CLPB: variants seen among roughly 807,000 people sequenced by gnomAD.
The protein encoded by CLPB is mitochondrial disaggregase.
In CLPB, 40 loss-of-function variants were observed where a neutral mutation model predicts 78.4. That is an observed-to-expected ratio of 0.51 (90% CI 0.40 to 0.66). The LOEUF is 0.66. Ranked by LOEUF, CLPB falls within the 30% of genes least tolerant of loss-of-function variation. CLPB has a pLI of 0.00. For missense variants in CLPB, 780 were observed against 886.9 expected, an observed-to-expected ratio of 0.88 and a Z score of 1.53; for synonymous variants, 333 against 348.0, an observed-to-expected ratio of 0.96 and a Z score of 0.48.
rs1949386564 is a variant in CLPB at position 72,286,223 on chromosome 11, G to GTTTTTGTTTTTTTTT, written c.*7143_*7144insAAAAAAAAACAAAAA. ...ATTACAGGTGTGAGATACTGCACCTGTTTTTTTTTTTTTTTTTTTTTTTAA... is the reference window on the plus strand; with the variant it reads ...ATTACAGGTGTGAGATACTGCACCTGTTTTTGTTTTTTTTTTTTTTTTTTTTTTTTTTTTTTTTAA... On this transcript the variant is annotated 3_prime_UTR_variant, in exon 16 of 16. Coordinates refer to ENST00000538039, the MANE Select transcript of CLPB (RefSeq NM_001258392.3). The GTTTTTGTTTTTTTTT allele has an allele frequency of 5.0e-5, 3 of 60,450 alleles. No homozygotes were observed. Among genetic ancestry groups the GTTTTTGTTTTTTTTT allele is most frequent in the Admixed American group, 1.9e-4 (1 of 5,242 alleles). The allele number at this position is 60,450 out of a possible 1,614,324, so 3.7% of individuals were successfully genotyped here.
intron 4 of CLPB, among the ~76,000 whole-genome samples, chr11:72,378,987 A>C (rs1247374145): frequency 1.3e-5 from 2 of 152,222 alleles, no homozygotes; most frequent in African/African-American, 4.8e-5. Context: ...TGGAGCCTTA[A>C]GAGAAGGAGC....
intron 3 of CLPB, among the ~76,000 whole-genome samples, chr11:72,400,245 T>C (rs1855522574): frequency 1.3e-5 from 2 of 152,178 alleles, no homozygotes; most frequent in Non-Finnish European, 2.9e-5. Flanking sequence ...TTCTGCGATA[T>C]GAATACATAA....
intron 2 of CLPB, among the ~76,000 whole-genome samples, chr11:72,403,553 A>G (rs528597763): frequency 4.0e-4 from 61 of 152,274 alleles, no homozygotes; most frequent in Non-Finnish European, 7.5e-4. Flanking sequence ...TAATTTCCCA[A>G]TGCTAGGAAC....
chr11:72,375,955 C>T (rs1233783492), intron 4 of CLPB, among the ~76,000 whole-genome samples: 1 of 152,154 alleles, frequency 6.6e-6, no homozygotes, highest in Non-Finnish European at 1.5e-5. Context: ...TTGCCAAAGC[C>T]ACAAACTACA....
intron 5 of CLPB, among the ~76,000 whole-genome samples, chr11:72,334,251 T>C (rs1275768661): frequency 2.0e-5 from 3 of 152,158 alleles, no homozygotes; most frequent in South Asian, 2.1e-4. Context: ...TGGGGACAGG[T>C]AGGACATCTC....
chr11:72,424,339 G>A (rs2135148926), intron 2 of CLPB, among the ~76,000 whole-genome samples: 1 of 152,312 alleles, frequency 6.6e-6, no homozygotes, highest in Admixed American at 6.5e-5. Context: ...TTTCTACCCT[G>A]TAGTTTCCTA....
intron 3 of CLPB, among the ~76,000 whole-genome samples, chr11:72,401,684 C>T (rs117110105): frequency 1.3e-5 from 2 of 152,308 alleles, no homozygotes; most frequent in Non-Finnish European, 2.9e-5. Context: ...GTGGCCAGTA[C>T]ACCTTAAACA....
intron 3 of CLPB, among the ~76,000 whole-genome samples, chr11:72,380,693 T>C (rs1368952401): frequency 6.6e-6 from 1 of 152,162 alleles, no homozygotes; most frequent in Admixed American, 6.5e-5. Flanking sequence ...GGCAGCAGCC[T>C]CTGAAACTTA....
intron 2 of CLPB, among the ~76,000 whole-genome samples, chr11:72,420,942 C>G (rs921652911): frequency 4.6e-5 from 7 of 152,062 alleles, no homozygotes; most frequent in African/African-American, 1.7e-4. Flanking sequence ...GGCGGATCAC[C>G]AGAGGTCGGG....
In CLPB at chr11:72,345,428, T is replaced by C. The variant is rs1404291970; in HGVS notation, c.775+13452A>G. Among the ~76,000 whole-genome samples the C allele has an allele frequency of 2.0e-5, 3 of 152,326 alleles. No individual in the cohort carries two copies. In the East Asian group the frequency reaches 5.8e-4, roughly 29 times the overall value. On this transcript the variant is annotated intron_variant, in intron 5 of 15. Coordinates refer to ENST00000538039, the MANE Select transcript of CLPB (RefSeq NM_001258392.3). ...GCAAACTGCAAAGCGACATATACAGTATGCTACCTTTTGTGTAGGCAGAAA... is the reference window on the plus strand; with the variant it reads ...GCAAACTGCAAAGCGACATATACAGCATGCTACCTTTTGTGTAGGCAGAAA...
intron 6 of CLPB, among the ~76,000 whole-genome samples, chr11:72,319,088 C>G (rs1384692998): frequency 1.3e-5 from 2 of 152,180 alleles, no homozygotes; most frequent in Non-Finnish European, 2.9e-5. Flanking sequence ...GTGATGAGTT[C>G]CAGAGTATGC....
At chr11:72,387,235 A>C (rs1484692803) in intron 3 of CLPB, among the ~76,000 whole-genome samples, 24 of 152,218 alleles carry the variant, frequency 1.6e-4, no homozygotes, top group Admixed American at 6.5e-5. Flanking sequence ...GAAAACTAAT[A>C]ATTGTAGAAG....
rs1350892138 is a variant in CLPB at position 72,302,788 on chromosome 11, A to G, written c.1123-440T>C. 4 of 187,452 alleles carry G rather than the reference A, an allele frequency of 2.1e-5. No homozygotes were observed. The East Asian group carries it at 5.2e-4, about 24-fold the overall frequency. The allele number at this position is 187,452 out of a possible 1,614,324, so 11.6% of individuals were successfully genotyped here. A position where few individuals can be genotyped will look rare whatever the true frequency, so the allele number is the denominator to read the frequency against. On this transcript the variant is annotated intron_variant, in intron 9 of 15. Transcript: ENST00000538039. ...GCAGACATGGACAAAGTCAGTCACGATCAGTGTGGACTGTGGTGCGAGGGA... is the reference window on the plus strand; with the variant it reads ...GCAGACATGGACAAAGTCAGTCACGGTCAGTGTGGACTGTGGTGCGAGGGA...
At position 72,428,165 on chromosome 11, in the gene CLPB, C is replaced by T. The variant is rs569133445; in HGVS notation, c.455+2147G>A. 2.0e-5 allele frequency among the ~76,000 whole-genome samples: 3 copies of T among 152,346 alleles called. No individual in the cohort carries two copies. The South Asian group carries it at 6.2e-4, about 32-fold the overall frequency. On this transcript the variant is annotated intron_variant, in intron 2 of 15. Transcript: ENST00000538039. ...GCAGTGCCCAGCAGAGGCCCACTCA[C>T]TCTTTCATAATCAAGAGCTGCTTTG...
At chr11:72,328,490 T>C (rs549629376) in intron 6 of CLPB, among the ~76,000 whole-genome samples, 2 of 152,312 alleles carry the variant, frequency 1.3e-5, no homozygotes, top group African/African-American at 4.8e-5. Flanking sequence ...GGGGATGTGG[T>C]AGCCCAAGGT....
intron 3 of CLPB, among the ~76,000 whole-genome samples, chr11:72,397,240 A>G (rs1214191363): frequency 6.6e-6 from 1 of 152,202 alleles, no homozygotes; most frequent in East Asian, 1.9e-4. Context: ...TTTTTACCGT[A>G]TGGATATACC....
intron 3 of CLPB, among the ~76,000 whole-genome samples, chr11:72,386,207 A>C (rs1428174383): frequency 6.6e-6 from 1 of 152,128 alleles, no homozygotes; most frequent in East Asian, 1.9e-4. Context: ...CTGCTCTTTC[A>C]ATTTGCATTT....
At chr11:72,335,130 T>TG (rs1463637955) in intron 5 of CLPB, among the ~76,000 whole-genome samples, 5 of 120,172 alleles carry the variant, frequency 4.2e-5, no homozygotes, top group African/African-American at 1.3e-4. Context: ...GAAAGTAGTG[T>TG]GGGGGGGTGG....
At position 72,365,454 on chromosome 11, in the gene CLPB, G is replaced by A. The variant is rs148323911; in HGVS notation, c.647-6446C>T. Among the ~76,000 whole-genome samples, 328 of 152,322 alleles carry A rather than the reference G, an allele frequency of 2.2e-3. 1 individual carries two copies. Among genetic ancestry groups the A allele is most frequent in the African/African-American group, 7.5e-3 (311 of 41,570 alleles). ...ATGGAGAGTGACTGATAATGAATAC[G>A]AGGTCTCTTTATGGAGTGATAAAAA... On this transcript the variant is annotated intron_variant, in intron 4 of 15. Transcript: ENST00000538039.
Sources: gnomAD v4.1 joint callset for allele counts (sites outside exome capture counted in the v4.1 genomes callset) on GRCh38, gnomAD v4.1.1 for gene constraint, MANE v1.5 for transcripts, NCBI Gene and HGNC (gene_info 2026-07-23, HGNC 2026-07-21) for gene names.